The following ROR2 variants were observed in gnomAD, a reference collection of about 807,000 sequenced individuals.
ROR2 encodes ROR family WNT receptor 2, also known as tyrosine-protein kinase transmembrane receptor ROR2.
In ROR2, 33 loss-of-function variants were observed where a neutral mutation model predicts 74.9. The observed-to-expected ratio is 0.44, with a 90% CI of 0.33 to 0.59. The LOEUF (loss-of-function observed/expected upper bound fraction) is 0.59, where lower values mean the gene tolerates loss of function less well. Ranked by LOEUF, ROR2 falls within the 20% of genes least tolerant of loss-of-function variation. The probability of loss-of-function intolerance (pLI) is 0.02; values close to 1 mark genes in which losing one functional copy is unlikely to be tolerated. For missense variants in ROR2, 1,216 were observed against 1,313.8 expected (o/e 0.93, Z 1.15); for synonymous variants, 586 against 558.7 (o/e 1.05, Z -0.69).
At chr9:91,731,207 C>T in intron 6 of ROR2, 52 bp from the exon 7 acceptor site, 1 of 1,611,716 alleles carries the variant, frequency 6.2e-7, no homozygotes, top group Non-Finnish European at 8.5e-7. Flanking sequence ...CAAAACCATT[C>T]TGCCTACACA....
chr9:91,842,870 AG>A (rs945242592), intron 1 of ROR2, among the ~76,000 whole-genome samples: 2 of 152,216 alleles, frequency 1.3e-5, no homozygotes, highest in African/African-American at 4.8e-5. Context: ...AGCAGTGGTG[AG>A]GGGGGCATCC....
chr9:91,799,326 C>A (rs888788794), intron 1 of ROR2, among the ~76,000 whole-genome samples: 1 of 152,200 alleles, frequency 6.6e-6, no homozygotes, highest in South Asian at 2.1e-4. Flanking sequence ...CTCACTCCCC[C>A]CAACACACAG....
intron 7 of ROR2, among the ~76,000 whole-genome samples, chr9:91,728,045 G>A (rs1023113388): frequency 1.3e-5 from 2 of 152,090 alleles, no homozygotes; most frequent in Non-Finnish European, 2.9e-5. Flanking sequence ...TTTTTACTAG[G>A]GTTTGGTTCA....
In ROR2 at chr9:91,724,785, G is replaced by C. The variant is rs546802275; in HGVS notation, c.1709C>G (p.Pro570Arg). 6.2e-7 allele frequency: 1 copy of C among 1,611,592 alleles called. No homozygotes were observed. Among genetic ancestry groups the C allele is most frequent in the African/African-American group, 1.3e-5 (1 of 74,906 alleles). The change falls in exon 9 of 9, where the codon CCG (proline) becomes CGG (arginine). Residue 570 changes from proline to arginine, a missense_variant. Coordinates refer to ENST00000375708, the MANE Select transcript of ROR2 (RefSeq NM_004560.4). ...ATCGGTGCTGCCCACGTCCGAGTGC[G>C]GCGAGCGCATGACCAGGAATTCGTG... ...DLHEFLVMRS[P>R]HSDVGSTDDD...
chr9:91,837,910 A>G (rs1235153204), intron 1 of ROR2, among the ~76,000 whole-genome samples: 1 of 152,252 alleles, frequency 6.6e-6, no homozygotes, highest in African/African-American at 2.4e-5. Context: ...AACACATAAA[A>G]GAAAAAAAAT....
At chr9:91,810,469 C>T (rs1827714017) in intron 1 of ROR2, among the ~76,000 whole-genome samples, 1 of 152,108 alleles carries the variant, frequency 6.6e-6, no homozygotes, top group Non-Finnish European at 1.5e-5. Context: ...CCTTGTAAGA[C>T]ACGATCATCT....
intron 1 of ROR2, among the ~76,000 whole-genome samples, chr9:91,823,929 T>C (rs1236441803): frequency 1.3e-5 from 2 of 152,202 alleles, no homozygotes; most frequent in Non-Finnish European, 2.9e-5. Flanking sequence ...GCGGTTCCTC[T>C]AAGATCCTTG....
intron 1 of ROR2, among the ~76,000 whole-genome samples, chr9:91,848,764 GAAAAAAAAAA>G (rs36044426): frequency 9.6e-6 from 1 of 103,756 alleles, no homozygotes; most frequent in Non-Finnish European, 2.0e-5. Context: ...CAGGGGGGAA[GAAAAAAAAAA>G]AAAAAAAAAA....
chr9:91,794,941 G>A (rs1035162527), intron 1 of ROR2, among the ~76,000 whole-genome samples: 2 of 152,108 alleles, frequency 1.3e-5, no homozygotes, highest in African/African-American at 2.4e-5. Context: ...GGGCAACATA[G>A]TGAAACCCAG....
At chr9:91,783,714 C>T (rs532933639) in intron 1 of ROR2, among the ~76,000 whole-genome samples, 6 of 152,312 alleles carry the variant, frequency 3.9e-5, no homozygotes, top group South Asian at 2.1e-4. Flanking sequence ...TGCCACTCCA[C>T]GGCTCTGCGA....
chr9:91,782,920 G>A (rs1371966943), intron 1 of ROR2, among the ~76,000 whole-genome samples: 1 of 152,226 alleles, frequency 6.6e-6, no homozygotes, highest in Non-Finnish European at 1.5e-5. Context: ...GGTTTCCTAA[G>A]GCAGCCACAA....
chr9:91,848,763 A>G (rs1421296138), intron 1 of ROR2, among the ~76,000 whole-genome samples: 1 of 94,686 alleles, frequency 1.1e-5, no homozygotes, highest in Non-Finnish European at 2.1e-5. Context: ...TCAGGGGGGA[A>G]GAAAAAAAAA....
At chr9:91,838,156 C>T (rs1828670445) in intron 1 of ROR2, among the ~76,000 whole-genome samples, 1 of 152,134 alleles carries the variant, frequency 6.6e-6, no homozygotes, top group African/African-American at 2.4e-5. Context: ...TGTAATTCTC[C>T]CTCTGGATCC....
intron 1 of ROR2, among the ~76,000 whole-genome samples, chr9:91,927,992 G>A (rs1831454928): frequency 6.6e-6 from 1 of 152,046 alleles, no homozygotes; most frequent in African/African-American, 2.4e-5. Flanking sequence ...GCCCTTCCCA[G>A]GCCTGGCAAA....
intron 1 of ROR2, among the ~76,000 whole-genome samples, chr9:91,839,327 T>G (rs75925420): frequency 6.7e-6 from 1 of 148,626 alleles, no homozygotes; most frequent in Non-Finnish European, 1.5e-5. Flanking sequence ...TGTGTATATG[T>G]GTGGTGTATG....
At chr9:91,799,619 G>GA (rs1477571634) in intron 1 of ROR2, among the ~76,000 whole-genome samples, 1 of 152,198 alleles carries the variant, frequency 6.6e-6, no homozygotes, top group East Asian at 1.9e-4. Context: ...GCCAAGGCAG[G>GA]AAACACAGCT....
chr9:91,725,500 C>G (rs551879651), intron 8 of ROR2, among the ~76,000 whole-genome samples: 1 of 152,296 alleles, frequency 6.6e-6, no homozygotes, highest in South Asian at 2.1e-4. Flanking sequence ...TTCCCTCCAA[C>G]CCCCATGTGT....
chr9:91,902,534 A>T (rs933439765), intron 1 of ROR2, among the ~76,000 whole-genome samples: 1 of 152,060 alleles, frequency 6.6e-6, no homozygotes, highest in Non-Finnish European at 1.5e-5. Context: ...GACCTCCTGA[A>T]CTGCCAAGGA....
intron 1 of ROR2, among the ~76,000 whole-genome samples, chr9:91,907,949 A>G (rs928364426): frequency 6.6e-6 from 1 of 152,222 alleles, no homozygotes; most frequent in African/African-American, 2.4e-5. Flanking sequence ...AGGGGCCAGA[A>G]TAAAGGGAAA....
Sources: allele counts gnomAD v4.1 joint callset (sites outside exome capture counted in the v4.1 genomes callset), GRCh38; gene constraint gnomAD v4.1.1; transcripts MANE v1.5; gene names NCBI Gene and HGNC (gene_info 2026-07-23, HGNC 2026-07-21).